The following ARID2 variants were observed in gnomAD, a reference collection of about 807,000 sequenced individuals.
The protein encoded by ARID2 is AT-rich interaction domain 2.
Under a neutral mutation model 184.6 loss-of-function variants are expected in ARID2, and 32 were observed. The observed-to-expected ratio is 0.17, with a 90% CI of 0.13 to 0.23. The LOEUF (loss-of-function observed/expected upper bound fraction) is 0.23. Ranked by LOEUF, ARID2 falls within the 10% of genes least tolerant of loss-of-function variation. ARID2 has a pLI of 1.00. For missense variants in ARID2, 1,696 were observed against 2,197.6 expected (o/e 0.77, Z 4.56); for synonymous variants, 836 against 772.6 (o/e 1.08, Z -1.36).
At chr12:45,780,861 C>A (rs958561443) in intron 3 of ARID2, among the ~76,000 whole-genome samples, 3 of 152,100 alleles carry the variant, frequency 2.0e-5, no homozygotes, top group Admixed American at 1.3e-4. Flanking sequence ...CTCAGGCGAT[C>A]CACCTGCCTT....
chr12:45,872,026 G>A (rs1943934023), intron 16 of ARID2, among the ~76,000 whole-genome samples: 1 of 151,990 alleles, frequency 6.6e-6, no homozygotes, highest in South Asian at 2.1e-4. Context: ...GTTAGCTACA[G>A]GTTTATGTAT....
At chr12:45,817,515 CTCTAA>C (rs1336811534) in intron 4 of ARID2, among the ~76,000 whole-genome samples, 150 bp from the exon 5 acceptor site, 1 of 137,676 alleles carries the variant, frequency 7.3e-6, no homozygotes, top group African/African-American at 2.5e-5. Context: ...CGTTTTGAAC[CTCTAA>C]TCAGTTTATA....
intron 3 of ARID2, among the ~76,000 whole-genome samples, chr12:45,802,730 GA>G (rs899348545): frequency 4.0e-5 from 6 of 151,248 alleles, no homozygotes; most frequent in East Asian, 1.9e-4. Context: ...GTGTGGTAAA[GA>G]AAAAAAAATT....
chr12:45,903,836 A>T (rs1325852677), intron 20 of ARID2, among the ~76,000 whole-genome samples: 1 of 152,016 alleles, frequency 6.6e-6, no homozygotes, highest in African/African-American at 2.4e-5. Flanking sequence ...TTCCTGGGTA[A>T]TCTCATGCTG....
chr12:45,869,807 G>A (rs955879957), intron 16 of ARID2, among the ~76,000 whole-genome samples: 2 of 151,756 alleles, frequency 1.3e-5, no homozygotes, highest in African/African-American at 2.4e-5. Flanking sequence ...TGCTTGAACC[G>A]GGGAGGTGGA....
intron 3 of ARID2, among the ~76,000 whole-genome samples, chr12:45,780,885 G>A (rs917184492): frequency 6.6e-6 from 1 of 152,146 alleles, no homozygotes; most frequent in Admixed American, 6.5e-5. Context: ...CTCCCAAAGT[G>A]CTGGGATTAC....
At chr12:45,793,404 T>G (rs1000618590) in intron 3 of ARID2, among the ~76,000 whole-genome samples, 2 of 152,058 alleles carry the variant, frequency 1.3e-5, no homozygotes, top group Admixed American at 6.6e-5. Flanking sequence ...ATCTTTATTC[T>G]TTTTTATTAA....
chr12:45,874,659 A>G (rs533126671), intron 16 of ARID2, among the ~76,000 whole-genome samples: 13 of 152,294 alleles, frequency 8.5e-5, no homozygotes, highest in African/African-American at 1.4e-4. Context: ...ATTGGAATCA[A>G]TTTCTTCCAT....
chr12:45,782,173 A>G (rs1173817516), intron 3 of ARID2, among the ~76,000 whole-genome samples: 4 of 152,206 alleles, frequency 2.6e-5, no homozygotes, highest in Non-Finnish European at 5.9e-5. Context: ...GGCACATGCT[A>G]CAAAATTTTA....
intron 9 of ARID2, 40 bp downstream of exon 9, chr12:45,837,457 A>C (rs764281153): frequency 6.8e-6 from 11 of 1,610,306 alleles, no homozygotes; most frequent in Non-Finnish European, 8.5e-6. Flanking sequence ...AAAGTAAACA[A>C]ACTATCATTT....
At chr12:45,855,977 C>T (rs987502814) in intron 15 of ARID2, among the ~76,000 whole-genome samples, 16 of 152,052 alleles carry the variant, frequency 1.1e-4, no homozygotes, top group Middle Eastern at 3.4e-3. Context: ...GTGATCCCCG[C>T]GCCTTGGCCT....
intron 3 of ARID2, among the ~76,000 whole-genome samples, chr12:45,811,018 G>C (rs557025445): frequency 6.6e-6 from 1 of 152,018 alleles, no homozygotes; most frequent in Non-Finnish European, 1.5e-5. Flanking sequence ...GACCATCCTA[G>C]CTAACACGGT....
At chr12:45,757,174 A>G (rs1183383435) in intron 3 of ARID2, among the ~76,000 whole-genome samples, 1 of 152,208 alleles carries the variant, frequency 6.6e-6, no homozygotes, top group Non-Finnish European at 1.5e-5. Context: ...TTCTTTGCAA[A>G]GATCCCTAGG....
At chr12:45,791,394 AT>A (rs1322541532) in intron 3 of ARID2, among the ~76,000 whole-genome samples, 3 of 152,198 alleles carry the variant, frequency 2.0e-5, no homozygotes, top group African/African-American at 7.2e-5. Flanking sequence ...CCAACCTTAA[AT>A]CCTGGTATAA....
At position 45,852,692 on chromosome 12, in the gene ARID2, T is replaced by G. The variant is rs2138180642; in HGVS notation, c.4569T>G (p.Asp1523Glu). Residue 1523 changes from aspartate to glutamate, a missense_variant, in exon 15 of 21, where the codon GAT becomes GAG. Physicochemically the swap from Asp to Glu is conservative, Grantham distance 45. Coordinates refer to ENST00000334344, the MANE Select transcript of ARID2 (RefSeq NM_152641.4). Reference protein sequence around the residue: ...KTVKRPAEDTDRETVAGIPNK... With the variant: ...KTVKRPAEDTERETVAGIPNK... Reference sequence around the variant, plus strand: ...TAAAGAGGCCAGCAGAGGATACTGATAGGGAAACAGTCGCAGGAATTCCAA... The same window carrying G: ...TAAAGAGGCCAGCAGAGGATACTGAGAGGGAAACAGTCGCAGGAATTCCAA... 6.2e-7 allele frequency: 1 copy of G among 1,614,146 alleles called. No individual in the cohort carries two copies. Among genetic ancestry groups the G allele is most frequent in the Non-Finnish European group, 8.5e-7 (1 of 1,180,002 alleles).
intron 3 of ARID2, among the ~76,000 whole-genome samples, chr12:45,807,116 C>G (rs1394177198): frequency 6.6e-6 from 1 of 152,072 alleles, no homozygotes; most frequent in Non-Finnish European, 1.5e-5. Flanking sequence ...GTAAGTTGGC[C>G]TTGTGAATCC....
chr12:45,884,415 C>G lies in ARID2; in HGVS notation c.4923-7365C>G, dbSNP rs528535554. On this transcript the variant is annotated intron_variant, in intron 16 of 20. Transcript: ENST00000334344. ...TGTCTCAAACAAACAAACAAACAAA[C>G]AAAACATTGTTATAATACCTGAATT... 8.8e-5 allele frequency among the ~76,000 whole-genome samples: 13 copies of G among 147,820 alleles called. No homozygotes were observed. In the South Asian group the frequency reaches 2.8e-3, roughly 31 times the overall value.
chr12:45,823,407 C>A (rs1488216077), intron 6 of ARID2, among the ~76,000 whole-genome samples: 1 of 151,880 alleles, frequency 6.6e-6, no homozygotes, highest in Non-Finnish European at 1.5e-5. Flanking sequence ...GAAAAGCAAA[C>A]CAAACCAAAC....
chr12:45,799,331 T>C (rs1418808501), intron 3 of ARID2, among the ~76,000 whole-genome samples: 1 of 152,190 alleles, frequency 6.6e-6, no homozygotes, highest in African/African-American at 2.4e-5. Flanking sequence ...TCAGTTTATT[T>C]TGATACTTGC....
Sources: gnomAD v4.1 joint callset for allele counts (sites outside exome capture counted in the v4.1 genomes callset) on GRCh38, gnomAD v4.1.1 for gene constraint, MANE v1.5 for transcripts, NCBI Gene and HGNC (gene_info 2026-07-23, HGNC 2026-07-21) for gene names.